Variants in PEX5L observed in about 807,000 individuals in gnomAD.
The protein encoded by PEX5L is PEX5-related protein.
PEX5L carries 30 observed loss-of-function variants against 84.0 expected under a neutral mutation model. That is an observed-to-expected ratio of 0.36 (90% CI 0.27 to 0.48). The LOEUF is 0.48. Among genes scored for constraint, PEX5L ranks in the 20% least tolerant of loss-of-function variants. The probability of loss-of-function intolerance (pLI) is 0.99; values close to 1 mark genes in which losing one functional copy is unlikely to be tolerated. For missense variants in PEX5L, 533 were observed against 754.6 expected (o/e 0.71, Z 3.44); for synonymous variants, 270 against 283.1 (o/e 0.95, Z 0.46).
chr3:179,827,985 C>T (rs1560263652), intron 8 of PEX5L, among the ~76,000 whole-genome samples: 1 of 152,140 alleles, frequency 6.6e-6, no homozygotes, highest in Non-Finnish European at 1.5e-5. Flanking sequence ...CAGAATTCCT[C>T]TCTTGATATC....
intron 2 of PEX5L, among the ~76,000 whole-genome samples, chr3:179,926,425 C>T (rs1434639459): frequency 2.6e-5 from 4 of 152,208 alleles, no homozygotes; most frequent in Non-Finnish European, 5.9e-5. Flanking sequence ...TCCAACCTCA[C>T]AGCTTTGCAG....
chr3:180,024,321 A>G (rs1790702739), intron 1 of PEX5L, among the ~76,000 whole-genome samples: 1 of 141,374 alleles, frequency 7.1e-6, no homozygotes, highest in Admixed American at 7.2e-5. Context: ...CATCCTGGCT[A>G]ACACTGTGAA....
rs375672698 is a variant in PEX5L at position 180,008,337 on chromosome 3, C to G, written c.21+28242G>C. 5.9e-5 allele frequency among the ~76,000 whole-genome samples: 9 copies of G among 152,314 alleles called. No individual in the cohort carries two copies. The East Asian group carries it at 1.7e-3, about 29-fold the overall frequency. ...CATCTGAGACCACCTCAGCCTGGAC[C>G]TTACTGTCCATATTGCTATCGGCAT... On this transcript the variant is annotated intron_variant, in intron 1 of 14. Coordinates refer to ENST00000467460, the MANE Select transcript of PEX5L (RefSeq NM_016559.3).
At chr3:179,964,878 A>G (rs1782951046) in intron 2 of PEX5L, among the ~76,000 whole-genome samples, 1 of 152,168 alleles carries the variant, frequency 6.6e-6, no homozygotes, top group South Asian at 2.1e-4. Flanking sequence ...TATATACAAG[A>G]ACTTATTTCT....
At chr3:179,817,040 G>A (rs544436988) in intron 9 of PEX5L, among the ~76,000 whole-genome samples, 16 of 152,174 alleles carry the variant, frequency 1.1e-4, no homozygotes, top group African/African-American at 2.6e-4. Flanking sequence ...CCCATACCCC[G>A]AAATATGAAT....
intron 1 of PEX5L, among the ~76,000 whole-genome samples, chr3:179,996,917 A>G (rs1258573856): frequency 1.3e-5 from 2 of 152,182 alleles, no homozygotes; most frequent in East Asian, 1.9e-4. Context: ...AGTGAAATTG[A>G]TAGGAAGTCT....
chr3:179,840,205 T>A (rs1442679157), intron 8 of PEX5L, among the ~76,000 whole-genome samples: 1 of 132,096 alleles, frequency 7.6e-6, no homozygotes, highest in Non-Finnish European at 1.7e-5. Context: ...TTTTTTTTTT[T>A]GAGATGGAGT....
chr3:179,835,698 C>T (rs146117343), intron 8 of PEX5L, among the ~76,000 whole-genome samples: 1 of 152,112 alleles, frequency 6.6e-6, no homozygotes, highest in African/African-American at 2.4e-5. Flanking sequence ...CACATTTTAA[C>T]TAAATATTTA....
intron 1 of PEX5L, among the ~76,000 whole-genome samples, chr3:179,982,026 G>T (rs1004689132): frequency 2.0e-5 from 3 of 152,166 alleles, no homozygotes; most frequent in African/African-American, 7.2e-5. Context: ...GTTTTTAAGA[G>T]AATTGAGGTG....
intron 8 of PEX5L, among the ~76,000 whole-genome samples, chr3:179,854,531 T>C (rs755531891): frequency 2.6e-5 from 4 of 152,188 alleles, no homozygotes; most frequent in Non-Finnish European, 4.4e-5. Context: ...CAGAGGACAC[T>C]GCAGCCCAGT....
chr3:179,989,524 C>A lies in PEX5L; in HGVS notation c.22-17859G>T, dbSNP rs950922828. Reference sequence around the variant, plus strand: ...ATTTATACATTATATTCCTACCATACTAGCTATGTTATGAGATGCTTAAAA... The same window carrying A: ...ATTTATACATTATATTCCTACCATAATAGCTATGTTATGAGATGCTTAAAA... On this transcript the variant is annotated intron_variant, in intron 1 of 14. Coordinates refer to ENST00000467460, the MANE Select transcript of PEX5L (RefSeq NM_016559.3). Among the ~76,000 whole-genome samples the A allele has an allele frequency of 2.6e-5, 4 of 152,256 alleles. No homozygotes were observed. In the East Asian group the frequency reaches 7.7e-4, roughly 29 times the overall value.
intron 2 of PEX5L, among the ~76,000 whole-genome samples, chr3:179,934,647 C>G (rs1032001707): frequency 1.1e-4 from 16 of 152,084 alleles, no homozygotes; most frequent in Admixed American, 3.9e-4. Context: ...TAACATCAAG[C>G]AAATAAAAAT....
rs1021338598 is a variant in PEX5L, at chr3:179,938,518, G to C, written c.93+33076C>G. 7.9e-5 allele frequency among the ~76,000 whole-genome samples: 12 copies of C among 152,344 alleles called. No homozygotes were observed. The East Asian group carries it at 2.1e-3, about 27-fold the overall frequency. On this transcript the variant is annotated intron_variant, in intron 2 of 14. Coordinates refer to ENST00000467460, the MANE Select transcript of PEX5L (RefSeq NM_016559.3). Reference sequence around the variant, plus strand: ...AACACTATGGTGTGCAAGGGAAATAGCGTGTTTAACAAAACTGTCTGCATC... The same window carrying C: ...AACACTATGGTGTGCAAGGGAAATACCGTGTTTAACAAAACTGTCTGCATC...
intron 2 of PEX5L, among the ~76,000 whole-genome samples, chr3:179,906,762 A>G (rs897289438): frequency 6.6e-6 from 1 of 152,202 alleles, no homozygotes; most frequent in Admixed American, 6.5e-5. Context: ...AAATACAAAG[A>G]TATAAAAATT....
At chr3:179,928,078 A>G (rs1176225684) in intron 2 of PEX5L, among the ~76,000 whole-genome samples, 1 of 152,176 alleles carries the variant, frequency 6.6e-6, no homozygotes, top group East Asian at 1.9e-4. Context: ...TATTTATGTT[A>G]AGGTTGATCA....
At chr3:179,998,165 G>T (rs9828328) in intron 1 of PEX5L, among the ~76,000 whole-genome samples, 1 of 152,012 alleles carries the variant, frequency 6.6e-6, no homozygotes, top group African/African-American at 2.4e-5. Context: ...GCCTGTCGAG[G>T]TATTCCTTCT....
chr3:179,922,009 C>T (rs1289785677), intron 2 of PEX5L: 1 of 152,248 alleles, frequency 6.6e-6, no homozygotes, highest in East Asian at 1.9e-4. Context: ...ATATTGCATT[C>T]ACATAATTAT....
chr3:179,864,380 A>G (rs148631282), intron 7 of PEX5L, among the ~76,000 whole-genome samples: 92 of 152,288 alleles, frequency 6.0e-4, no homozygotes, highest in African/African-American at 2.2e-3. Context: ...CTCATTTATG[A>G]CAACATGAAT....
chr3:179,977,655 T>C (rs1785936791), intron 1 of PEX5L, among the ~76,000 whole-genome samples: 1 of 152,234 alleles, frequency 6.6e-6, no homozygotes, highest in Non-Finnish European at 1.5e-5. Context: ...TTCAAGGACG[T>C]AAGCTCAAAT....
Sources: allele counts gnomAD v4.1 joint callset (sites outside exome capture counted in the v4.1 genomes callset), GRCh38; gene constraint gnomAD v4.1.1; transcripts MANE v1.5; gene names NCBI Gene and HGNC (gene_info 2026-07-23, HGNC 2026-07-21).